Variants in GLDC observed in about 807,000 individuals in gnomAD.
GLDC encodes the protein glycine decarboxylase, also known as glycine dehydrogenase (decarboxylating), mitochondrial.
GLDC carries 104 observed loss-of-function variants against 121.3 expected under a neutral mutation model. The ratio of observed to expected loss-of-function variants is 0.86; its 90% confidence interval spans 0.73 to 1.01. The LOEUF (loss-of-function observed/expected upper bound fraction) is 1.01, where lower values mean the gene tolerates loss of function less well. GLDC is among the 50% of genes least tolerant of loss of function. GLDC has a pLI of 0.00. For missense variants in GLDC, 1,429 were observed against 1,306.6 expected, an observed-to-expected ratio of 1.09 and a Z score of -1.44; for synonymous variants, 546 against 480.6, an observed-to-expected ratio of 1.14 and a Z score of -1.78.
intron 2 of GLDC, among the ~76,000 whole-genome samples, chr9:6,638,406 G>A (rs986483692): frequency 2.6e-5 from 4 of 151,800 alleles, no homozygotes; most frequent in African/African-American, 7.2e-5. Flanking sequence ...GTAGAGACGG[G>A]GATTCACCAT....
chr9:6,612,365 C>A (rs1818876399), intron 3 of GLDC, among the ~76,000 whole-genome samples: 1 of 152,038 alleles, frequency 6.6e-6, no homozygotes, highest in Non-Finnish European at 1.5e-5. Context: ...ACCTCCCCAC[C>A]ACACTCCCTG....
intron 11 of GLDC, chr9:6,591,722 T>C (rs1427414476): frequency 1.7e-5 from 4 of 233,024 alleles, no homozygotes; most frequent in African/African-American, 9.0e-5. Context: ...GTAACTGGGA[T>C]TACAGGTATG....
chr9:6,591,933 T>A (rs537981536), intron 11 of GLDC: 52 of 454,436 alleles, frequency 1.1e-4, no homozygotes, highest in South Asian at 8.9e-4. Context: ...TCTTTCCAAC[T>A]AGCCTGGGTG....
intron 23 of GLDC, 42 bp from the exon 24 acceptor site, chr9:6,534,830 ACT>A: frequency 9.6e-7 from 1 of 1,044,296 alleles, no homozygotes; most frequent in Non-Finnish European, 1.5e-6. Context: ...AGAGCAATAC[ACT>A]CTCTTCTCCT....
At chr9:6,627,166 G>C (rs914128639) in intron 2 of GLDC, among the ~76,000 whole-genome samples, 1 of 151,638 alleles carries the variant, frequency 6.6e-6, no homozygotes, top group Non-Finnish European at 1.5e-5. Context: ...TGTGTTGGCG[G>C]GCACCTGTAG....
intron 3 of GLDC, among the ~76,000 whole-genome samples, chr9:6,612,222 C>G (rs543803395): frequency 6.7e-6 from 1 of 149,556 alleles, no homozygotes; most frequent in East Asian, 2.0e-4. Context: ...CACACACTCT[C>G]TCACACACAC....
chr9:6,539,240 G>A (rs1357595025), intron 22 of GLDC, among the ~76,000 whole-genome samples: 3 of 152,098 alleles, frequency 2.0e-5, no homozygotes, highest in Non-Finnish European at 2.9e-5. Flanking sequence ...CACTTTCGGA[G>A]GCCGAGGTGG....
At chr9:6,589,041 A>G (rs529276895) in intron 12 of GLDC, among the ~76,000 whole-genome samples, 154 bp downstream of exon 12, 2 of 152,356 alleles carry the variant, frequency 1.3e-5, no homozygotes, top group East Asian at 3.9e-4. Flanking sequence ...TTCCCAAGTC[A>G]GGAACGGGAT....
At chr9:6,630,712 G>A (rs554148656) in intron 2 of GLDC, among the ~76,000 whole-genome samples, 4 of 152,264 alleles carry the variant, frequency 2.6e-5, no homozygotes, top group African/African-American at 9.6e-5. Context: ...TGGGGCTGGG[G>A]TGTCAATCAA....
chr9:6,535,622 C>T (rs996597787), intron 23 of GLDC, among the ~76,000 whole-genome samples: 6 of 152,202 alleles, frequency 3.9e-5, no homozygotes, highest in Middle Eastern at 6.8e-3. Flanking sequence ...GTTTTGGAAG[C>T]GGCAGAGTAA....
intron 20 of GLDC, among the ~76,000 whole-genome samples, chr9:6,552,674 G>A (rs1817539519): frequency 1.3e-5 from 2 of 152,142 alleles, no homozygotes; most frequent in Admixed American, 1.3e-4. Context: ...CTGCTTTGGG[G>A]AGACTGCTCT....
At chr9:6,637,428 T>A (rs1819527498) in intron 2 of GLDC, among the ~76,000 whole-genome samples, 1 of 151,536 alleles carries the variant, frequency 6.6e-6, no homozygotes, top group South Asian at 2.1e-4. Flanking sequence ...AGATACTTTA[T>A]CAAGATTGAG....
chr9:6,592,941 G>A lies in GLDC; in HGVS notation c.1311C>T (p.Thr437=), dbSNP rs1317859936. ...HQLQHDLFFD[T]LKIQCGCSVK... is the part of the protein sequence containing the mutation. The stretch of plus-strand genomic sequence containing the variant: ...CTGAGCAGCCACACTGAATCTTCAA[G>A]GTATCAAAGAACAGGTCATGCTGGA... The change falls in exon 10 of 25, where the codon ACC becomes ACT. Residue 437 remains threonine (T), a synonymous_variant. Transcript: ENST00000321612. 34 of 1,613,956 alleles carry A rather than the reference G, an allele frequency of 2.1e-5. No individual in the cohort carries two copies. Among genetic ancestry groups the A allele is most frequent in the Non-Finnish European group, 2.9e-5 (34 of 1,179,828 alleles).
intron 21 of GLDC, among the ~76,000 whole-genome samples, chr9:6,549,196 C>G (rs540526355): frequency 6.6e-6 from 1 of 152,224 alleles, no homozygotes; most frequent in African/African-American, 2.4e-5. Context: ...CAGCCACCCG[C>G]TCTTTACAGT....
chr9:6,640,668 A>G (rs1819611537), intron 2 of GLDC, among the ~76,000 whole-genome samples: 1 of 152,180 alleles, frequency 6.6e-6, no homozygotes, highest in African/African-American at 2.4e-5. Context: ...GCAATGTGCA[A>G]TTTTGTGTAA....
At chr9:6,639,668 A>ATTATATATAT in intron 2 of GLDC, 5 of 250,598 alleles carry the variant, frequency 2.0e-5, no homozygotes, top group Non-Finnish European at 2.6e-5. Context: ...ATAAAAAAAA[A>ATTATATATAT]GTATATATAT....
intron 15 of GLDC, among the ~76,000 whole-genome samples, chr9:6,570,623 A>G (rs7846856): frequency 0.54 from 81,893 of 151,898 alleles, 22,563 homozygotes; most frequent in African/African-American, 0.59. Flanking sequence ...GGAGGCTGAG[A>G]CGGGCAGATC....
intron 6 of GLDC, 73 bp from the exon 7 acceptor site, chr9:6,604,857 T>C: frequency 8.1e-7 from 1 of 1,237,516 alleles, no homozygotes; most frequent in Non-Finnish European, 1.2e-6. Flanking sequence ...TAGGAAATTA[T>C]CTTAACTACA....
intron 3 of GLDC, among the ~76,000 whole-genome samples, chr9:6,614,160 T>A (rs927930477): frequency 9.2e-5 from 14 of 152,178 alleles, no homozygotes; most frequent in Non-Finnish European, 2.9e-5. Context: ...GTCTGCATTC[T>A]CTTAAACACT....
Sources: gnomAD v4.1 joint callset for allele counts (sites outside exome capture counted in the v4.1 genomes callset) on GRCh38, gnomAD v4.1.1 for gene constraint, MANE v1.5 for transcripts, NCBI Gene and HGNC (gene_info 2026-07-23, HGNC 2026-07-21) for gene names.